FOXP4: variants seen among roughly 807,000 people sequenced by gnomAD.
FOXP4 encodes the protein forkhead box protein P4.
FOXP4 carries 25 observed loss-of-function variants against 82.6 expected under a neutral mutation model. That is an observed-to-expected ratio of 0.30 (90% CI 0.22 to 0.42). The LOEUF (loss-of-function observed/expected upper bound fraction) is 0.42. Ranked by LOEUF, FOXP4 falls within the 10% of genes least tolerant of loss-of-function variation. FOXP4 has a pLI of 1.00. For missense variants in FOXP4, 785 were observed against 900.9 expected (o/e 0.87, Z 1.65); for synonymous variants, 415 against 388.2 (o/e 1.07, Z -0.81).
rs1212614468 is a variant in FOXP4 at position 41,599,397 on chromosome 6, CCTT to C, written c.*465_*467del. On this transcript the variant is annotated 3_prime_UTR_variant, in exon 17 of 17. Coordinates refer to ENST00000307972, the MANE Select transcript of FOXP4 (RefSeq NM_001012426.2). ...CTTTCCTAACTCGTGCTCCCTTCCG[CCTT>C]CTTTTCCGTACTGTGAAGAAAGAAC... is the stretch of plus-strand genomic sequence containing the variant. The C allele has an allele frequency of 6.3e-6, 1 of 159,120 alleles. No individual in the cohort carries two copies. Among genetic ancestry groups the C allele is most frequent in the Non-Finnish European group, 1.4e-5 (1 of 71,618 alleles). 9.9% of individuals were successfully genotyped at this position (159,120 alleles called of 1,614,324 possible).
chr6:41,594,960 T>C lies in FOXP4; in HGVS notation c.1627T>C (p.Tyr543His), dbSNP rs1368911328. The C allele has an allele frequency of 6.2e-7, 1 of 1,613,658 alleles. No individual in the cohort carries two copies. Among genetic ancestry groups the C allele is most frequent in the Non-Finnish European group, 8.5e-7 (1 of 1,179,936 alleles). ...CGTGTGGACTGTGGACGAGCGGGAGTATCAGAAGCGGAGACCGCCAAAGAT... is the reference window on the plus strand; with the variant it reads ...CGTGTGGACTGTGGACGAGCGGGAGCATCAGAAGCGGAGACCGCCAAAGAT... ...GAVWTVDERE[Y>H]QKRRPPKMTG... Residue 543 changes from tyrosine (Y) to histidine (H), a missense_variant, in exon 14 of 17, where the codon TAT becomes CAT. Physicochemically the swap from Tyr to His is moderately conservative, Grantham distance 83. Coordinates refer to ENST00000307972, the MANE Select transcript of FOXP4 (RefSeq NM_001012426.2).
chr6:41,573,846 C>T (rs374455099), intron 2 of FOXP4, among the ~76,000 whole-genome samples: 2 of 152,158 alleles, frequency 1.3e-5, no homozygotes, highest in African/African-American at 4.8e-5. Context: ...TCTCTCTTGA[C>T]GTCCATGCAT....
chr6:41,578,082 G>A lies in FOXP4; in HGVS notation c.300+1G>A, dbSNP rs1238567963. 1 of 1,613,016 alleles carries A rather than the reference G, an allele frequency of 6.2e-7. No individual in the cohort carries two copies. The highest frequency in any genetic ancestry group is 8.5e-7 in the Non-Finnish European group (1 of 1,179,694). On this transcript the variant is annotated splice_donor_variant, in intron 3 of 16. Coordinates refer to ENST00000307972, the MANE Select transcript of FOXP4 (RefSeq NM_001012426.2). LOFTEE classifies it high-confidence loss of function. ...CAAACAGTCTGCCTCTGCTGTGCAG[G>A]TGAGGAAGAGAGCACCCCGCTGGCT...
chr6:41,586,350 C>T lies in FOXP4; in HGVS notation c.511-659C>T, dbSNP rs573462659. Among the ~76,000 whole-genome samples, 5 of 152,162 alleles carry T rather than the reference C, an allele frequency of 3.3e-5. No homozygotes were observed. The East Asian group carries it at 5.8e-4, about 18-fold the overall frequency. On this transcript the variant is annotated intron_variant, in intron 5 of 16. Transcript: ENST00000307972. The stretch of plus-strand genomic sequence containing the variant: ...CTCAACCCACCCAGGACATGCTTGG[C>T]TCATGGGGCTCAAGAGAGACTTGCT...
intron 1 of FOXP4, among the ~76,000 whole-genome samples, chr6:41,562,531 ATCC>A (rs899880326): frequency 5.3e-5 from 8 of 152,060 alleles, no homozygotes; most frequent in African/African-American, 1.9e-4. Context: ...CTCTGTCTGC[ATCC>A]TCCTCCTTCC....
At chr6:41,590,666 T>C (rs1041707222) in intron 12 of FOXP4, among the ~76,000 whole-genome samples, 1 of 152,188 alleles carries the variant, frequency 6.6e-6, no homozygotes, top group African/African-American at 2.4e-5. Flanking sequence ...CTCTCTCCTT[T>C]GTCTTTCCTC....
Position 41,587,119 on chromosome 6 carries a change from C to T in FOXP4, c.621C>T (p.Pro207=). 7.5e-6 allele frequency: 12 copies of T among 1,608,596 alleles called. No individual in the cohort carries two copies. Among genetic ancestry groups the T allele is most frequent in the Non-Finnish European group, 1.0e-5 (12 of 1,177,146 alleles). ...GGCAGGGGCTGGTCAGCCTGCAGCC[C>T]AACCAAGCCTCGGGGCCCCTCCAGA... ...LQRQGLVSLQ[P]NQASGPLQTL... is the part of the protein sequence containing the mutation. The change falls in exon 6 of 17, where the codon CCC becomes CCT. Residue 207 remains proline, a synonymous_variant. Transcript: ENST00000307972.
chr6:41,584,959 C>T (rs1766020362), intron 4 of FOXP4, 68 bp downstream of exon 4: 1 of 1,510,562 alleles, frequency 6.6e-7, no homozygotes. Context: ...ACCCTGTTTA[C>T]ACCTCACCAA....
At chr6:41,563,930 A>G (rs1764732992) in intron 1 of FOXP4, among the ~76,000 whole-genome samples, 1 of 152,204 alleles carries the variant, frequency 6.6e-6, no homozygotes. Flanking sequence ...TCTGGAAATT[A>G]TGGTATCCAC....
intron 1 of FOXP4, among the ~76,000 whole-genome samples, chr6:41,559,334 C>T (rs575440379): frequency 6.6e-6 from 1 of 152,310 alleles, no homozygotes; most frequent in African/African-American, 2.4e-5. Context: ...TACACAGAGC[C>T]TGGCACACTG....
intron 8 of FOXP4, 102 bp from the exon 9 acceptor site, chr6:41,588,542 T>G: frequency 8.8e-7 from 1 of 1,135,952 alleles, no homozygotes; most frequent in Middle Eastern, 2.1e-4. Context: ...TCTTGGTCTG[T>G]CTGCTTTTCA....
Position 41,590,054 on chromosome 6 carries a change from C to T in FOXP4, c.1241C>T (p.Ser414Leu). Reference protein sequence around the residue: ...FPDGLVHPPTSAAAPVTPLRP... With the variant: ...FPDGLVHPPTLAAAPVTPLRP... ...GATGGTCTCGTGCACCCCCCGACCT[C>T]GGCCGCAGCCCCTGTCACCCCTCTA... Residue 414 changes from serine to leucine, a missense_variant, in exon 11 of 17, where the codon TCG becomes TTG. Around this residue, in one of 3 missense-constraint regions of FOXP4, gnomAD observed 570 missense variants for 634.0 expected, o/e 0.90. Transcript: ENST00000307972. 4 of 1,613,882 alleles carry T rather than the reference C, an allele frequency of 2.5e-6. No homozygotes were observed. Among genetic ancestry groups the T allele is most frequent in the Non-Finnish European group, 3.4e-6 (4 of 1,179,978 alleles).
intron 9 of FOXP4, among the ~76,000 whole-genome samples, chr6:41,588,981 A>G (rs1056485544): frequency 1.3e-5 from 2 of 152,238 alleles, no homozygotes; most frequent in Non-Finnish European, 2.9e-5. Flanking sequence ...CTACATAGAA[A>G]CATCAAAAAT....
Position 41,599,050 on chromosome 6 carries a change from AC to A in FOXP4, c.*116del, listed in dbSNP as rs374415443. 7.2e-6 allele frequency: 10 copies of A among 1,394,912 alleles called. No homozygotes were observed. The African/African-American group carries it at 1.5e-4, about 20-fold the overall frequency. The allele number at this position is 1,394,912 out of a possible 1,614,324, so 86.4% of individuals were successfully genotyped here. A position where few individuals can be genotyped will look rare whatever the true frequency, so the allele number is the denominator to read the frequency against. ...GCCTCAAGGCAAGTCCAGGACTCAGACCGGGGAGGCCCGGGCCAGCAGCTCC... is the reference window on the plus strand; with the variant it reads ...GCCTCAAGGCAAGTCCAGGACTCAGACGGGGAGGCCCGGGCCAGCAGCTCC... On this transcript the variant is annotated 3_prime_UTR_variant, in exon 17 of 17. Transcript: ENST00000307972.
chr6:41,587,373 G>C lies in FOXP4; in HGVS notation c.733G>C (p.Val245Leu), dbSNP rs199908081. 2 of 1,606,396 alleles carry C rather than the reference G, an allele frequency of 1.2e-6. No individual in the cohort carries two copies. Among genetic ancestry groups the C allele is most frequent in the Non-Finnish European group, 8.5e-7 (1 of 1,176,174 alleles). The stretch of plus-strand genomic sequence containing the variant: ...CCCCGGGCAGCCTGCCGAGGACAGC[G>C]TCAAGCAGGAGGGGCTGGACCTCAC... ...GAPGQPAEDSVKQEGLDLTGT... is the reference protein window; with the variant it reads ...GAPGQPAEDSLKQEGLDLTGT... The change falls in exon 7 of 17, where the codon GTC becomes CTC. Residue 245 changes from valine to leucine, a missense_variant. This residue lies in a region of FOXP4 where 570 missense variants were observed against 634.0 expected (regional missense o/e 0.90). Transcript: ENST00000307972.
intron 12 of FOXP4, among the ~76,000 whole-genome samples, chr6:41,590,637 A>G (rs1361375895): frequency 6.6e-6 from 1 of 151,784 alleles, no homozygotes; most frequent in Non-Finnish European, 1.5e-5. Context: ...GCCATGATAG[A>G]CTCAGGGTCA....
chr6:41,590,055 G>T lies in FOXP4; in HGVS notation c.1242G>T (p.Ser414=), dbSNP rs141445753. ...FPDGLVHPPT[S]AAAPVTPLRP... is the part of the protein sequence containing the mutation. ...ATGGTCTCGTGCACCCCCCGACCTC[G>T]GCCGCAGCCCCTGTCACCCCTCTAC... The change falls in exon 11 of 17, where the codon TCG becomes TCT. Residue 414 remains serine (S), a synonymous_variant. Transcript: ENST00000307972. 6.2e-7 allele frequency: 1 copy of T among 1,613,802 alleles called. No individual in the cohort carries two copies. The highest frequency in any genetic ancestry group is 1.7e-5 in the Admixed American group (1 of 60,014).
In FOXP4 at chr6:41,591,004, C is replaced by T. The variant is rs1298666060; in HGVS notation, c.1435-217C>T. Reference sequence around the variant, plus strand: ...ACAAATACATAGCCCTTGGAGGCTCCTGCCCTCTTTATCCTTGGCCAAGCT... The same window carrying T: ...ACAAATACATAGCCCTTGGAGGCTCTTGCCCTCTTTATCCTTGGCCAAGCT... On this transcript the variant is annotated intron_variant, in intron 12 of 16. Transcript: ENST00000307972. This position sits in a 1 kb window ranked among gnomAD's most constrained non-coding sequence, Gnocchi z 4.2. Among the ~76,000 whole-genome samples, 2 of 152,202 alleles carry T rather than the reference C, an allele frequency of 1.3e-5. No individual in the cohort carries two copies. The highest frequency in any genetic ancestry group is 4.8e-5 in the African/African-American group (2 of 41,448).
Position 41,584,879 on chromosome 6 carries a change from C to A in FOXP4, c.411C>A (p.Leu137=). The A allele has an allele frequency of 6.2e-7, 1 of 1,610,670 alleles. No homozygotes were observed. The highest frequency in any genetic ancestry group is 1.1e-5 in the South Asian group (1 of 90,332). ...CCTTGCTCCAGCAGCAGCAAGCCCTCATGCTCCAGCAGGTGAGTCTGGCCC... is the reference window on the plus strand; with the variant it reads ...CCTTGCTCCAGCAGCAGCAAGCCCTAATGCTCCAGCAGGTGAGTCTGGCCC... ...LQALLQQQQA[L]MLQQLQEYYK... Residue 137 remains leucine, a synonymous_variant, in exon 4 of 17, where the codon CTC becomes CTA. Transcript: ENST00000307972.
Sources: allele counts gnomAD v4.1 joint callset (sites outside exome capture counted in the v4.1 genomes callset), GRCh38; gene constraint gnomAD v4.1.1; regional missense constraint gnomAD v4.1.1; non-coding constraint Gnocchi (gnomAD v3.1); transcripts MANE v1.5; gene names NCBI Gene and HGNC (gene_info 2026-07-23, HGNC 2026-07-21).